The following PDE10A variants were observed in gnomAD, a reference collection of about 807,000 sequenced individuals.
PDE10A encodes phosphodiesterase 10A.
Under a neutral mutation model 97.7 loss-of-function variants are expected in PDE10A, and 39 were observed. That is an observed-to-expected ratio of 0.40 (90% CI 0.31 to 0.52). The LOEUF (loss-of-function observed/expected upper bound fraction) is 0.52. PDE10A is among the 20% of genes least tolerant of loss of function. The probability of loss-of-function intolerance (pLI) is 0.56; values close to 1 mark genes in which losing one functional copy is unlikely to be tolerated. For synonymous variants in PDE10A, 371 were observed against 376.8 expected (o/e 0.98, Z 0.18); for missense variants, 731 against 1,047.8 (o/e 0.70, Z 4.17).
chr6:165,590,559 A>T lies in PDE10A; in HGVS notation c.866-46991T>A, dbSNP rs147509625. On this transcript the variant is annotated intron_variant, in intron 1 of 21. Coordinates refer to ENST00000539869, the MANE Select transcript of PDE10A (RefSeq NM_001385079.1). ...TGTAGCCTCCTTTGTACTTCATGTAATTCCAAATTTACAATCTGTTTTGGG... is the reference window on the plus strand; with the variant it reads ...TGTAGCCTCCTTTGTACTTCATGTATTTCCAAATTTACAATCTGTTTTGGG... 2.6e-5 allele frequency among the ~76,000 whole-genome samples: 4 copies of T among 152,318 alleles called. 1 individual carries two copies. The highest frequency in any genetic ancestry group is 9.6e-5 in the African/African-American group (4 of 41,582).
rs1240745877 is a variant in PDE10A at position 165,619,478 on chromosome 6, T to G, written c.865+42469A>C. On this transcript the variant is annotated intron_variant, in intron 1 of 21. Coordinates refer to ENST00000539869, the MANE Select transcript of PDE10A (RefSeq NM_001385079.1). ...TGTAGTGTAGTCTAGTGTAGTGTAG[T>G]CTAGTGTAGTCTAGTGTAGTCTAGT... Among the ~76,000 whole-genome samples the G allele has an allele frequency of 5.5e-5, 8 of 146,536 alleles. 1 individual carries two copies. The highest frequency in any genetic ancestry group is 1.9e-4 in the African/African-American group (7 of 37,346).
At chr6:165,955,396 G>C (rs759966637) in intron 1 of PDE10A, among the ~76,000 whole-genome samples, 1 of 152,104 alleles carries the variant, frequency 6.6e-6, no homozygotes, top group Non-Finnish European at 1.5e-5. Context: ...ACAATTTCCA[G>C]ATGAGGCTTC....
chr6:165,917,707 G>A (rs762471926), intron 1 of PDE10A, among the ~76,000 whole-genome samples: 2 of 152,212 alleles, frequency 1.3e-5, no homozygotes, highest in Non-Finnish European at 2.9e-5. Flanking sequence ...CTGGGCAAGT[G>A]ATGAGTCCGG....
chr6:165,744,698 G>T (rs1235777128), intron 1 of PDE10A, among the ~76,000 whole-genome samples: 4 of 152,030 alleles, frequency 2.6e-5, no homozygotes, highest in Non-Finnish European at 5.9e-5. Context: ...GTTTTGACGT[G>T]TTTGACTGCA....
intron 2 of PDE10A, among the ~76,000 whole-genome samples, chr6:165,500,693 T>G (rs938007167): frequency 6.6e-6 from 1 of 151,722 alleles, no homozygotes; most frequent in Non-Finnish European, 1.5e-5. Flanking sequence ...CTGAGGAAGA[T>G]AAATGAAAGA....
chr6:165,354,249 C>T (rs541938), intron 18 of PDE10A, among the ~76,000 whole-genome samples: 33,014 of 151,972 alleles, frequency 0.22, 3,894 homozygotes, highest in African/African-American at 0.28. Context: ...AAGACCGTAA[C>T]TTAACAGAGA....
chr6:165,377,612 G>T (rs1468973979), intron 18 of PDE10A, among the ~76,000 whole-genome samples: 3 of 151,876 alleles, frequency 2.0e-5, no homozygotes, highest in African/African-American at 7.3e-5. Context: ...TATTCAAGAG[G>T]CTGGATACTA....
intron 1 of PDE10A, among the ~76,000 whole-genome samples, chr6:165,628,678 T>C (rs572149959): frequency 6.6e-6 from 1 of 152,296 alleles, no homozygotes; most frequent in South Asian, 2.1e-4. Context: ...TACCTGATAT[T>C]AACTTGTTCT....
chr6:165,388,090 C>G lies in PDE10A; in HGVS notation c.2610+208G>C, dbSNP rs976425996. Among the ~76,000 whole-genome samples, 1 of 152,078 alleles carries G rather than the reference C, an allele frequency of 6.6e-6. No homozygotes were observed. Among genetic ancestry groups the G allele is most frequent in the Non-Finnish European group, 1.5e-5 (1 of 68,014 alleles). Reference sequence around the variant, plus strand: ...AATGTTTAAAAAACAAATGTGATTGCAAAATACATATATTCAAATTATTTG... The same window carrying G: ...AATGTTTAAAAAACAAATGTGATTGGAAAATACATATATTCAAATTATTTG... On this transcript the variant is annotated intron_variant, in intron 17 of 21. Transcript: ENST00000539869. The surrounding 1 kb of genome is among the most constrained non-coding windows in gnomAD (Gnocchi z 4.0).
In PDE10A at chr6:165,422,890, A is replaced by G. The variant is rs1179953616; in HGVS notation, c.1654-4113T>C. Among the ~76,000 whole-genome samples the G allele has an allele frequency of 3.3e-5, 5 of 152,072 alleles. No homozygotes were observed. The East Asian group carries it at 9.6e-4, about 29-fold the overall frequency. ...AATTTAAGAAACATGAAATATATAA[A>G]AATATTTATATATCTAAAACTATGT... On this transcript the variant is annotated intron_variant, in intron 10 of 21. Coordinates refer to ENST00000539869, the MANE Select transcript of PDE10A (RefSeq NM_001385079.1).
rs760890194 is a variant in PDE10A, at chr6:165,388,273, C to T, written c.2610+25G>A. 1.2e-4 allele frequency: 190 copies of T among 1,611,244 alleles called. No individual in the cohort carries two copies. The highest frequency in any genetic ancestry group is 1.5e-4 in the Non-Finnish European group (173 of 1,177,898). On this transcript the variant is annotated intron_variant, in intron 17 of 21. Coordinates refer to ENST00000539869, the MANE Select transcript of PDE10A (RefSeq NM_001385079.1). The surrounding 1 kb of genome is among the most constrained non-coding windows in gnomAD (Gnocchi z 4.0). Reference sequence around the variant, plus strand: ...CTCCCAGACAGCCCTTCAGACTAAGCGAGAGACGGCGTGCAGTGACTCACC... The same window carrying T: ...CTCCCAGACAGCCCTTCAGACTAAGTGAGAGACGGCGTGCAGTGACTCACC...
At chr6:165,428,809 A>G (rs1789346543) in intron 9 of PDE10A, 100 bp from the exon 10 acceptor site, 2 of 546,972 alleles carry the variant, frequency 3.7e-6, no homozygotes, top group Non-Finnish European at 6.4e-6. Flanking sequence ...TTTAAATAAA[A>G]AACCATAAAG....
chr6:165,607,479 G>A lies in PDE10A; in HGVS notation c.865+54468C>T, dbSNP rs77275064. Among the ~76,000 whole-genome samples the A allele has an allele frequency of 9.8e-3, 1,485 of 152,280 alleles. 11 individuals carry two copies. The highest frequency in any genetic ancestry group is 0.027 in the Middle Eastern group (8 of 294). ...CATGCTGCATAGGGATTGTAGCCTA[G>A]GAGCAGTAGGCCACACACAGAGCCT... is the stretch of plus-strand genomic sequence containing the variant. On this transcript the variant is annotated intron_variant, in intron 1 of 21. Coordinates refer to ENST00000539869, the MANE Select transcript of PDE10A (RefSeq NM_001385079.1).
chr6:165,689,936 G>A (rs889234524), intron 1 of PDE10A, among the ~76,000 whole-genome samples: 2 of 152,120 alleles, frequency 1.3e-5, no homozygotes, highest in African/African-American at 2.4e-5. Flanking sequence ...GCATGTATCC[G>A]TGAGTCACTC....
intron 1 of PDE10A, among the ~76,000 whole-genome samples, chr6:165,851,223 T>C (rs945045334): frequency 6.6e-6 from 1 of 152,254 alleles, no homozygotes; most frequent in Admixed American, 6.5e-5. Flanking sequence ...ATTCAGGTTT[T>C]GGACAAATTT....
intron 1 of PDE10A, 31 bp from the exon 2 acceptor site, chr6:165,543,599 C>T: frequency 1.3e-6 from 2 of 1,563,412 alleles, no homozygotes; most frequent in Non-Finnish European, 1.8e-6. Flanking sequence ...ATAAAATTCA[C>T]CTATACAACA....
At chr6:165,413,415 A>T in intron 13 of PDE10A, 86 bp downstream of exon 13, 1 of 884,784 alleles carries the variant, frequency 1.1e-6, no homozygotes. Flanking sequence ...ATAAATGAAA[A>T]AAAAAAAGCC....
chr6:165,885,124 C>T (rs955075), intron 1 of PDE10A, among the ~76,000 whole-genome samples: 26,151 of 152,102 alleles, frequency 0.17, 2,610 homozygotes, highest in East Asian at 0.26. Flanking sequence ...CTTTCAGACT[C>T]ACAAAGATTC....
chr6:165,672,615 C>T (rs968432628), intron 1 of PDE10A, among the ~76,000 whole-genome samples: 1 of 152,194 alleles, frequency 6.6e-6, no homozygotes, highest in East Asian at 1.9e-4. Flanking sequence ...TTCCCCCATA[C>T]TGTTCTCATG....
Sources: gnomAD v4.1 joint callset for allele counts (sites outside exome capture counted in the v4.1 genomes callset) on GRCh38, gnomAD v4.1.1 for gene constraint, Gnocchi (gnomAD v3.1) non-coding constraint, MANE v1.5 for transcripts, NCBI Gene and HGNC (gene_info 2026-07-23, HGNC 2026-07-21) for gene names.